TBL1XR1: variants seen among roughly 807,000 people sequenced by gnomAD.
TBL1XR1 encodes the protein F-box-like/WD repeat-containing protein TBL1XR1.
Under a neutral mutation model 66.9 loss-of-function variants are expected in TBL1XR1, and 5 were observed. The ratio of observed to expected loss-of-function variants is 0.07; its 90% CI spans 0.04 to 0.16. TBL1XR1 has a LOEUF of 0.16. Ranked by LOEUF, TBL1XR1 falls within the 10% of genes least tolerant of loss-of-function variation. TBL1XR1 has a pLI of 1.00. For synonymous variants in TBL1XR1, 210 were observed against 206.0 expected (o/e 1.02, Z -0.17); for missense variants, 238 against 623.2 (o/e 0.38, Z 6.58).
intron 10 of TBL1XR1, chr3:177,041,138 T>G (rs1464967124): frequency 1.3e-5 from 2 of 152,246 alleles, no homozygotes; most frequent in Non-Finnish European, 2.9e-5. Flanking sequence ...CAGCACTGCT[T>G]TAGCTGGTGT....
intron 5 of TBL1XR1, among the ~76,000 whole-genome samples, 187 bp from the exon 6 acceptor site, chr3:177,050,797 T>G (rs1160167831): frequency 1.4e-5 from 2 of 141,860 alleles, no homozygotes; most frequent in African/African-American, 5.3e-5. Flanking sequence ...TATCTTTAAT[T>G]AAGTATTGAC....
intron 1 of TBL1XR1, among the ~76,000 whole-genome samples, chr3:177,183,041 C>A (rs1047734856): frequency 2.6e-5 from 4 of 152,060 alleles, no homozygotes; most frequent in Non-Finnish European, 4.4e-5. Context: ...CTTATGTATG[C>A]CTTACAAAAT....
intron 4 of TBL1XR1, among the ~76,000 whole-genome samples, chr3:177,053,467 C>G (rs2108502787): frequency 6.6e-6 from 1 of 152,304 alleles, no homozygotes; most frequent in East Asian, 1.9e-4. Flanking sequence ...TGAGAATTTA[C>G]AATTTTCAGG....
rs148659524 is a variant in TBL1XR1, at chr3:177,024,713, G to GAAAAAAAAAAAAAAAAAAC, written c.*784_*785insGTTTTTTTTTTTTTTTTTT. 5 of 85,348 alleles carry GAAAAAAAAAAAAAAAAAAC rather than the reference G, an allele frequency of 5.9e-5. No homozygotes were observed. The highest frequency in any genetic ancestry group is 1.7e-4 in the African/African-American group (4 of 23,748). The allele number at this position is 85,348 out of a possible 1,614,324, so 5.3% of individuals were successfully genotyped here. A position where few individuals can be genotyped will look rare whatever the true frequency, so the allele number is the denominator to read the frequency against. On this transcript the variant is annotated 3_prime_UTR_variant, in exon 16 of 16. Transcript: ENST00000457928. ...AGCCACATCACCAAAAAACAAAAAA[G>GAAAAAAAAAAAAAAAAAAC]AAAAAAAAAAAAAAAAAGCAAAACA...
upstream of TBL1XR1, among the ~76,000 whole-genome samples, chr3:177,200,012 G>A (rs1034884202): frequency 6.6e-6 from 1 of 151,802 alleles, no homozygotes; most frequent in Non-Finnish European, 1.5e-5. Context: ...CGCTCTTGTC[G>A]CCCAGGCTAG....
intron 10 of TBL1XR1, among the ~76,000 whole-genome samples, chr3:177,040,027 A>C (rs573378827): frequency 3.9e-5 from 6 of 152,308 alleles, no homozygotes; most frequent in Non-Finnish European, 7.3e-5. Context: ...AAAGGGGAAA[A>C]ACAGGAGAGT....
intron 1 of TBL1XR1, among the ~76,000 whole-genome samples, chr3:177,188,445 G>A (rs1430037837): frequency 2.0e-5 from 3 of 152,068 alleles, no homozygotes; most frequent in African/African-American, 7.2e-5. Flanking sequence ...TACTCAGAAG[G>A]CTGAGGCAGG....
intron 1 of TBL1XR1, among the ~76,000 whole-genome samples, chr3:177,154,686 C>A (rs886599314): frequency 2.0e-5 from 3 of 152,074 alleles, no homozygotes; most frequent in Admixed American, 1.3e-4. Context: ...TGAGCCACCG[C>A]GCCCGGCCGA....
In TBL1XR1 at chr3:177,019,798, G is replaced by A. The variant is rs560876319; in HGVS notation, c.*5700C>T. 1.1e-4 allele frequency: 17 copies of A among 152,074 alleles called. No individual in the cohort carries two copies. The highest frequency in any genetic ancestry group is 4.1e-4 in the African/African-American group (17 of 41,502). The allele number at this position is 152,074 out of a possible 1,614,324, so 9.4% of individuals were successfully genotyped here. A position where few individuals can be genotyped will look rare whatever the true frequency, so the allele number is the denominator to read the frequency against. Reference sequence around the variant, plus strand: ...TAGGAGTCCAACCCTTTTTGGAAAAGTATACAATGCAGGATATTACTAATA... The same window carrying A: ...TAGGAGTCCAACCCTTTTTGGAAAAATATACAATGCAGGATATTACTAATA... On this transcript the variant is annotated 3_prime_UTR_variant, in exon 16 of 16. Coordinates refer to ENST00000457928, the MANE Select transcript of TBL1XR1 (RefSeq NM_024665.7).
In TBL1XR1 at chr3:177,160,008, G is replaced by A. The variant is rs142309076; in HGVS notation, c.-122+37113C>T. Among the ~76,000 whole-genome samples the A allele has an allele frequency of 1.3e-4, 20 of 152,268 alleles. No individual in the cohort carries two copies. The East Asian group carries it at 3.7e-3, about 28-fold the overall frequency. On this transcript the variant is annotated intron_variant, in intron 1 of 15. Coordinates refer to ENST00000457928, the MANE Select transcript of TBL1XR1 (RefSeq NM_024665.7). ...ATATAAAGTAGTGGTGAAGAGCAAGGCTAGACAGCTAGATTTGCATGTAAC... is the reference window on the plus strand; with the variant it reads ...ATATAAAGTAGTGGTGAAGAGCAAGACTAGACAGCTAGATTTGCATGTAAC...
At chr3:177,106,110 TAAACAG>T (rs1164437865) in intron 1 of TBL1XR1, among the ~76,000 whole-genome samples, 2 of 151,540 alleles carry the variant, frequency 1.3e-5, no homozygotes, top group African/African-American at 4.9e-5. Context: ...GAAGACACCA[TAAACAG>T]AAAGGGGCCT....
At chr3:177,181,441 CCACA>C (rs1358795855) in intron 1 of TBL1XR1, among the ~76,000 whole-genome samples, 1 of 150,810 alleles carries the variant, frequency 6.6e-6, no homozygotes, top group Non-Finnish European at 1.5e-5. Flanking sequence ...GAGCATGCCA[CCACA>C]CTCCAGCCTG....
intron 1 of TBL1XR1, among the ~76,000 whole-genome samples, chr3:177,186,337 T>G (rs1735404368): frequency 6.6e-6 from 1 of 152,262 alleles, no homozygotes; most frequent in Non-Finnish European, 1.5e-5. Flanking sequence ...AGAGCACTGC[T>G]ACAGCTACAA....
intron 1 of TBL1XR1, among the ~76,000 whole-genome samples, chr3:177,146,588 T>G (rs1389621584): frequency 8.5e-5 from 1 of 11,718 alleles, no homozygotes; most frequent in South Asian, 1.6e-3. Flanking sequence ...AGACTCCATC[T>G]CAAAAAAAAA....
At chr3:177,109,242 A>G (rs189932914) in intron 1 of TBL1XR1, among the ~76,000 whole-genome samples, 46 of 152,334 alleles carry the variant, frequency 3.0e-4, no homozygotes, top group African/African-American at 8.7e-4. Context: ...CATAAACTGA[A>G]TATGAAAGCA....
intron 1 of TBL1XR1, among the ~76,000 whole-genome samples, chr3:177,183,398 C>G (rs900552237): frequency 6.6e-6 from 1 of 152,182 alleles, no homozygotes; most frequent in Non-Finnish European, 1.5e-5. Flanking sequence ...TAGTGAGAAT[C>G]CATGTTAACG....
At chr3:177,107,124 T>C (rs1724983777) in intron 1 of TBL1XR1, among the ~76,000 whole-genome samples, 1 of 152,124 alleles carries the variant, frequency 6.6e-6, no homozygotes. Context: ...AAATTAAGAA[T>C]ATGTCAGCGG....
intron 1 of TBL1XR1, among the ~76,000 whole-genome samples, chr3:177,154,641 C>T (rs1731281636): frequency 1.3e-5 from 2 of 152,042 alleles, no homozygotes; most frequent in Admixed American, 6.6e-5. Context: ...ATGATCTGCC[C>T]GCCTCAGCCT....
intron 2 of TBL1XR1, among the ~76,000 whole-genome samples, chr3:177,084,106 A>G (rs964333139): frequency 3.3e-5 from 5 of 151,164 alleles, no homozygotes; most frequent in East Asian, 1.9e-4. Context: ...AAAAAAAGAA[A>G]AAAGAAAAGA....
Sources: allele counts gnomAD v4.1 joint callset (sites outside exome capture counted in the v4.1 genomes callset), GRCh38; gene constraint gnomAD v4.1.1; transcripts MANE v1.5; gene names NCBI Gene and HGNC (gene_info 2026-07-23, HGNC 2026-07-21).